KIAA0825: variants seen among roughly 807,000 people sequenced by gnomAD.
KIAA0825 encodes KIAA0825.
Under a neutral mutation model 147.6 loss-of-function variants are expected in KIAA0825, and 119 were observed. The ratio of observed to expected loss-of-function variants is 0.81; its 90% CI spans 0.69 to 0.94. The LOEUF (loss-of-function observed/expected upper bound fraction) is 0.94, where lower values mean the gene tolerates loss of function less well. Among genes scored for constraint, KIAA0825 ranks in the 40% least tolerant of loss-of-function variants. The probability of loss-of-function intolerance (pLI) is 0.00; values close to 1 mark genes in which losing one functional copy is unlikely to be tolerated. For missense variants in KIAA0825, 1,381 were observed against 1,472.7 expected, an observed-to-expected ratio of 0.94 and a Z score of 1.02; for synonymous variants, 470 against 518.1, an observed-to-expected ratio of 0.91 and a Z score of 1.26.
chr5:94,203,733 C>A (rs780810337), intron 20 of KIAA0825, among the ~76,000 whole-genome samples: 1 of 152,130 alleles, frequency 6.6e-6, no homozygotes. Context: ...AATTACTCAT[C>A]ATATTAAATA....
chr5:94,240,728 G>A (rs143818751), intron 20 of KIAA0825, among the ~76,000 whole-genome samples: 14 of 152,302 alleles, frequency 9.2e-5, no homozygotes, highest in East Asian at 1.9e-4. Context: ...GACATTTGCC[G>A]TCAAAAATGG....
At chr5:94,336,984 G>A (rs138285445) in intron 20 of KIAA0825, among the ~76,000 whole-genome samples, 1 of 152,226 alleles carries the variant, frequency 6.6e-6, no homozygotes, top group African/African-American at 2.4e-5. Flanking sequence ...TTGAATACTA[G>A]TCAGCAATAA....
At chr5:94,287,630 C>A (rs1198967375) in intron 20 of KIAA0825, among the ~76,000 whole-genome samples, 1 of 152,098 alleles carries the variant, frequency 6.6e-6, no homozygotes, top group East Asian at 1.9e-4. Context: ...TAGGCTGTTT[C>A]CTCTCAAGAT....
intron 1 of KIAA0825, among the ~76,000 whole-genome samples, chr5:94,590,679 C>G (rs77906673): frequency 1.5e-3 from 228 of 152,274 alleles, no homozygotes; most frequent in African/African-American, 5.3e-3. Flanking sequence ...TTAAAGCAAA[C>G]TGTGCTTCTT....
chr5:94,260,989 T>C (rs776487397), intron 20 of KIAA0825, among the ~76,000 whole-genome samples: 8 of 152,266 alleles, frequency 5.3e-5, no homozygotes, highest in Non-Finnish European at 1.0e-4. Context: ...GAATATTTGA[T>C]AACAGCAAAA....
intron 2 of KIAA0825, among the ~76,000 whole-genome samples, chr5:94,555,353 T>C (rs995535701): frequency 6.6e-6 from 1 of 152,198 alleles, no homozygotes; most frequent in African/African-American, 2.4e-5. Context: ...TCAACTCTTA[T>C]CTATATATTA....
chr5:94,192,040 A>G (rs959829904), intron 20 of KIAA0825, among the ~76,000 whole-genome samples: 1 of 152,256 alleles, frequency 6.6e-6, no homozygotes, highest in Admixed American at 6.5e-5. Flanking sequence ...ACAAAAAAAG[A>G]ATAAGATTTG....
chr5:94,531,903 G>C (rs1770865750), intron 3 of KIAA0825, among the ~76,000 whole-genome samples: 1 of 152,106 alleles, frequency 6.6e-6, no homozygotes, highest in Non-Finnish European at 1.5e-5. Flanking sequence ...TGTAGAATTT[G>C]CTCTGGCTAT....
At chr5:94,553,948 T>C (rs1325283822) in intron 2 of KIAA0825, among the ~76,000 whole-genome samples, 5 of 152,214 alleles carry the variant, frequency 3.3e-5, no homozygotes, top group Non-Finnish European at 5.9e-5. Context: ...TCATCAATAC[T>C]ACCATTTTTC....
chr5:94,239,426 C>T (rs1329344741), intron 20 of KIAA0825, among the ~76,000 whole-genome samples: 1 of 152,120 alleles, frequency 6.6e-6, no homozygotes, highest in African/African-American at 2.4e-5. Context: ...AAACATATGT[C>T]ATATCAACAT....
chr5:94,593,431 AC>A, intron 1 of KIAA0825: 1 of 758,728 alleles, frequency 1.3e-6, no homozygotes, highest in Non-Finnish European at 2.3e-6. Context: ...TGTTTTTGAC[AC>A]CACAGATTCT....
chr5:94,289,757 A>G (rs751934487), intron 20 of KIAA0825, among the ~76,000 whole-genome samples: 5 of 151,534 alleles, frequency 3.3e-5, no homozygotes, highest in Non-Finnish European at 5.9e-5. Context: ...AAAAATATTC[A>G]GGCCAGGTGC....
chr5:94,228,627 T>C (rs746214903), intron 20 of KIAA0825, among the ~76,000 whole-genome samples: 3 of 152,190 alleles, frequency 2.0e-5, no homozygotes, highest in Non-Finnish European at 4.4e-5. Flanking sequence ...CAATGGAGTT[T>C]GGAAAAATCA....
chr5:94,560,335 G>A (rs1365308087), intron 2 of KIAA0825, among the ~76,000 whole-genome samples: 3 of 152,124 alleles, frequency 2.0e-5, no homozygotes, highest in Non-Finnish European at 4.4e-5. Flanking sequence ...GAGGGCCAAC[G>A]AAAACTCAGT....
At chr5:94,247,888 C>T (rs1775712234) in intron 20 of KIAA0825, among the ~76,000 whole-genome samples, 1 of 151,940 alleles carries the variant, frequency 6.6e-6, no homozygotes, top group Non-Finnish European at 1.5e-5. Context: ...TGGAGATTTA[C>T]TAGGAAAATA....
At chr5:94,164,689 G>A (rs1767878841) in intron 20 of KIAA0825, among the ~76,000 whole-genome samples, 1 of 152,112 alleles carries the variant, frequency 6.6e-6, no homozygotes, top group Admixed American at 6.6e-5. Context: ...GGGATTACAG[G>A]TGTGAGCCAC....
At chr5:94,556,795 T>A (rs765346297) in intron 2 of KIAA0825, among the ~76,000 whole-genome samples, 1 of 152,192 alleles carries the variant, frequency 6.6e-6, no homozygotes, top group Non-Finnish European at 1.5e-5. Context: ...TATCCCAGCT[T>A]CTCAAAATAG....
chr5:94,553,388 C>T (rs897205205), intron 2 of KIAA0825, among the ~76,000 whole-genome samples: 3 of 144,668 alleles, frequency 2.1e-5, no homozygotes, highest in African/African-American at 5.2e-5. Context: ...TGCACTGAGG[C>T]GAAATCACAC....
chr5:94,505,221 C>T (rs996798928), intron 5 of KIAA0825, among the ~76,000 whole-genome samples: 14 of 151,808 alleles, frequency 9.2e-5, no homozygotes, highest in African/African-American at 3.4e-4. Flanking sequence ...ATTAGCCAGG[C>T]TTGGTGGTGT....
Sources: gnomAD v4.1 joint callset for allele counts (sites outside exome capture counted in the v4.1 genomes callset) on GRCh38, gnomAD v4.1.1 for gene constraint, MANE v1.5 for transcripts, NCBI Gene and HGNC (gene_info 2026-07-23, HGNC 2026-07-21) for gene names.